Variants in APPL2 observed in about 807,000 individuals in gnomAD.
APPL2 encodes the protein DCC-interacting protein 13-beta.
APPL2 carries 84 observed loss-of-function variants against 92.7 expected under a neutral mutation model. That is an observed-to-expected ratio of 0.91 (90% CI 0.76 to 1.09). The LOEUF (loss-of-function observed/expected upper bound fraction) is 1.09. Ranked by LOEUF, APPL2 falls within the 50% of genes least tolerant of loss-of-function variation. The probability of loss-of-function intolerance (pLI) is 0.00; values close to 1 mark genes in which losing one functional copy is unlikely to be tolerated. For synonymous variants in APPL2, 291 were observed against 291.0 expected (o/e 1.00, Z 0.00); for missense variants, 736 against 824.5 (o/e 0.89, Z 1.31).
Position 105,195,312 on chromosome 12 carries a change from GCTTGCAGAGCGGTCTGATTCAACTT to G in APPL2, c.1165_1189del (p.Lys389GlnfsTer2). The G allele has an allele frequency of 6.2e-7, 1 of 1,614,200 alleles. No individual in the cohort carries two copies. The highest frequency in any genetic ancestry group is 8.5e-7 in the Non-Finnish European group (1 of 1,180,034). ...TCCAAAACTTGTAATGGGAGTCACT[GCTTGCAGAGCGGTCTGATTCAACTT>G]GATCGCGACTGCCTAAAAATCCACA... On this transcript the variant is annotated frameshift_variant, in exon 14 of 21. Transcript: ENST00000258530. LOFTEE classifies it high-confidence loss of function.
At chr12:105,220,442 T>C (rs935838579) in intron 2 of APPL2, among the ~76,000 whole-genome samples, 3 of 152,262 alleles carry the variant, frequency 2.0e-5, no homozygotes, top group Non-Finnish European at 4.4e-5. Flanking sequence ...TTACTGATCC[T>C]GCTTTGTCAT....
At chr12:105,207,924 G>A (rs772256298) in intron 7 of APPL2, 47 bp downstream of exon 7, 13 of 1,536,546 alleles carry the variant, frequency 8.5e-6, no homozygotes, top group Non-Finnish European at 1.2e-5. Context: ...AGGCATGAAA[G>A]GCCTTTATGT....
At chr12:105,201,994 T>C (rs551034195) in intron 9 of APPL2, among the ~76,000 whole-genome samples, 2 of 152,332 alleles carry the variant, frequency 1.3e-5, no homozygotes, top group East Asian at 3.9e-4. Context: ...CTGGGTGGGC[T>C]GGCTGCTCAT....
At chr12:105,219,783 C>T (rs1283853088) in intron 2 of APPL2, among the ~76,000 whole-genome samples, 1 of 152,238 alleles carries the variant, frequency 6.6e-6, no homozygotes, top group Non-Finnish European at 1.5e-5. Flanking sequence ...ATCTCACTCA[C>T]TGGGCTGATA....
At chr12:105,224,954 A>T (rs1890382057) in intron 2 of APPL2, among the ~76,000 whole-genome samples, 1 of 152,196 alleles carries the variant, frequency 6.6e-6, no homozygotes, top group African/African-American at 2.4e-5. Flanking sequence ...TTGAGAAAAT[A>T]CTACTTCCAC....
intron 10 of APPL2, among the ~76,000 whole-genome samples, chr12:105,198,465 C>T (rs1189891348): frequency 2.6e-5 from 4 of 152,260 alleles, no homozygotes; most frequent in East Asian, 1.9e-4. Flanking sequence ...CGACAGAACC[C>T]GGTAGGTTTT....
chr12:105,216,992 T>C (rs999541200), intron 4 of APPL2, 77 bp downstream of exon 4: 2 of 1,053,786 alleles, frequency 1.9e-6, no homozygotes, highest in Non-Finnish European at 2.8e-6. Context: ...AATTTAAAAA[T>C]GGAAAGTGGG....
intron 14 of APPL2, among the ~76,000 whole-genome samples, chr12:105,193,841 A>C (rs921750823): frequency 2.0e-5 from 3 of 151,998 alleles, no homozygotes; most frequent in African/African-American, 7.3e-5. Flanking sequence ...AATTTATCCT[A>C]CTCAGGTACA....
chr12:105,195,423 G>A (rs775424321), intron 13 of APPL2, 22 bp downstream of exon 13: 1 of 1,614,198 alleles, frequency 6.2e-7, no homozygotes, highest in Admixed American at 1.7e-5. Flanking sequence ...AAAGGGCTGA[G>A]ATGCCGGTGG....
chr12:105,217,407 T>C (rs1213059704), intron 3 of APPL2, among the ~76,000 whole-genome samples: 6 of 152,218 alleles, frequency 3.9e-5, no homozygotes, highest in African/African-American at 1.4e-4. Flanking sequence ...GAATTGCTAA[T>C]GTTGATTCAC....
intron 4 of APPL2, among the ~76,000 whole-genome samples, chr12:105,216,575 G>A (rs1566089684): frequency 1.3e-5 from 2 of 152,144 alleles, no homozygotes; most frequent in Admixed American, 1.3e-4. Flanking sequence ...AAAACATGGG[G>A]GGTAGAGGGG....
chr12:105,207,879 C>T, intron 7 of APPL2, 92 bp downstream of exon 7: 1 of 1,184,978 alleles, frequency 8.4e-7, no homozygotes, highest in Non-Finnish European at 1.2e-6. Flanking sequence ...AAAAAATAAC[C>T]ACGCACCCTT....
Position 105,174,404 on chromosome 12 carries a change from G to A in APPL2, c.1905C>T (p.Thr635=). The change falls in exon 21 of 21, where the codon ACC becomes ACT. Residue 635 remains threonine, a synonymous_variant. Transcript: ENST00000258530. ...TTAACAGTACATATTTTCCGTCATT[G>A]GTTAGTGGTATGGACAGCATTAATT... ...LAQLMLSIPL[T]NDGKYVLLND... is the part of the protein sequence containing the mutation. 1.2e-6 allele frequency: 2 copies of A among 1,613,934 alleles called. No homozygotes were observed. The highest frequency in any genetic ancestry group is 1.7e-5 in the Admixed American group (1 of 60,008).
At chr12:105,217,586 T>C (rs1466417752) in intron 3 of APPL2, 80 bp downstream of exon 3, 17 of 1,375,960 alleles carry the variant, frequency 1.2e-5, no homozygotes, top group Non-Finnish European at 1.6e-5. Flanking sequence ...AATTTAGGTC[T>C]CTAAGGATGC....
intron 11 of APPL2, among the ~76,000 whole-genome samples, chr12:105,196,903 C>T (rs1887696018): frequency 6.6e-6 from 1 of 152,200 alleles, no homozygotes; most frequent in African/African-American, 2.4e-5. Flanking sequence ...CAGGAATCTC[C>T]ATTCCCAGGT....
intron 1 of APPL2, chr12:105,229,913 G>A: frequency 4.1e-6 from 1 of 244,612 alleles, no homozygotes; most frequent in Non-Finnish European, 6.5e-6. Flanking sequence ...TGAGTAGCTG[G>A]GATTACAGGC....
chr12:105,225,009 C>T (rs1193589920), intron 2 of APPL2, among the ~76,000 whole-genome samples: 1 of 152,156 alleles, frequency 6.6e-6, no homozygotes, highest in African/African-American at 2.4e-5. Flanking sequence ...GATCAACTTT[C>T]AGGATCAGTA....
rs1359650077 is a variant in APPL2, at chr12:105,236,002, A to C, written c.11T>G (p.Val4Gly). The change falls in exon 1 of 21, where the codon GTG (valine) becomes GGG (glycine). Residue 4 changes from valine to glycine, a missense_variant. Val to Gly is a moderately radical substitution (Grantham distance 109). Coordinates refer to ENST00000258530, the MANE Select transcript of APPL2 (RefSeq NM_018171.5). The part of the protein sequence containing the change: MPA[V>G]DKLLLEEALQ... ...CGCCTCCTCTAGCAGGAGCTTGTCC[A>C]CGGCGGGCATGGTGCGGCGCGGCTC... 1 of 1,251,064 alleles carries C rather than the reference A, an allele frequency of 8.0e-7. No homozygotes were observed. The highest frequency in any genetic ancestry group is 1.0e-6 in the Non-Finnish European group (1 of 990,230). 77.5% of individuals were successfully genotyped at this position (1,251,064 alleles called of 1,614,324 possible).
chr12:105,224,659 A>G (rs1890362721), intron 2 of APPL2, among the ~76,000 whole-genome samples: 1 of 152,222 alleles, frequency 6.6e-6, no homozygotes, highest in African/African-American at 2.4e-5. Context: ...GTGAAAGCTG[A>G]GTGGCCAGCC....
Sources: gnomAD v4.1 joint callset for allele counts (sites outside exome capture counted in the v4.1 genomes callset) on GRCh38, gnomAD v4.1.1 for gene constraint, MANE v1.5 for transcripts, NCBI Gene and HGNC (gene_info 2026-07-23, HGNC 2026-07-21) for gene names.